The following MMS22L variants were observed in gnomAD, a reference collection of about 807,000 sequenced individuals.
MMS22L encodes the protein MMS22 like, DNA repair protein.
In MMS22L, 74 loss-of-function variants were observed where a neutral mutation model predicts 159.1. The observed-to-expected ratio is 0.47, with a 90% CI of 0.39 to 0.56. The LOEUF (loss-of-function observed/expected upper bound fraction) is 0.56, where lower values mean the gene tolerates loss of function less well. MMS22L is among the 20% of genes least tolerant of loss of function. The pLI, the probability that MMS22L is intolerant of heterozygous loss-of-function variation, is 0.00. For synonymous variants in MMS22L, 517 were observed against 506.9 expected, an observed-to-expected ratio of 1.02 and a Z score of -0.27; for missense variants, 1,351 against 1,422.1, an observed-to-expected ratio of 0.95 and a Z score of 0.80.
At chr6:97,262,492 AAAATT>A (rs1814588179) in intron 9 of MMS22L, among the ~76,000 whole-genome samples, 1 of 151,898 alleles carries the variant, frequency 6.6e-6, no homozygotes, top group Non-Finnish European at 1.5e-5. Context: ...CAAAAATACA[AAAATT>A]AGCTGGCCAC....
chr6:97,158,734 T>C (rs1039172921), intron 22 of MMS22L, among the ~76,000 whole-genome samples: 7 of 152,178 alleles, frequency 4.6e-5, no homozygotes, highest in Admixed American at 2.0e-4. Flanking sequence ...CTTCCAATTA[T>C]GTGGTCATTT....
chr6:97,190,481 C>T (rs887691187), intron 14 of MMS22L, among the ~76,000 whole-genome samples: 1 of 152,094 alleles, frequency 6.6e-6, no homozygotes, highest in Admixed American at 6.5e-5. Context: ...AACCAGCTCT[C>T]TTACATTATA....
chr6:97,282,341 G>C lies in MMS22L; in HGVS notation c.137C>G (p.Ser46Cys), dbSNP rs1209258896. 1 of 1,613,996 alleles carries C rather than the reference G, an allele frequency of 6.2e-7. No homozygotes were observed. The highest frequency in any genetic ancestry group is 8.5e-7 in the Non-Finnish European group (1 of 1,180,012). Residue 46 changes from serine to cysteine, a missense_variant, in exon 2 of 25, where the codon TCC (serine) becomes TGC (cysteine). Ser to Cys is a moderately radical substitution (Grantham distance 112). Coordinates refer to ENST00000683635, the MANE Select transcript of MMS22L (RefSeq NM_001350599.2). ...RGGGKHFSGE[S>C]YLCSGALKRL... Reference sequence around the variant, plus strand: ...CTTAAGGGCTCCGCTGCAGAGGTAGGATTCTCCAGAAAAATGTTTTCCTCC... The same window carrying C: ...CTTAAGGGCTCCGCTGCAGAGGTAGCATTCTCCAGAAAAATGTTTTCCTCC...
intron 18 of MMS22L, among the ~76,000 whole-genome samples, chr6:97,175,060 T>C (rs1803983050): frequency 6.6e-6 from 1 of 152,178 alleles, no homozygotes; most frequent in Admixed American, 6.5e-5. Flanking sequence ...AAATGGAGGA[T>C]CTTGAAGAGC....
At chr6:97,268,762 G>A (rs577696478) in intron 7 of MMS22L, among the ~76,000 whole-genome samples, 1 of 152,058 alleles carries the variant, frequency 6.6e-6, no homozygotes, top group African/African-American at 2.4e-5. Flanking sequence ...AAGTCCACTT[G>A]AGTATTACTC....
At chr6:97,257,325 T>A (rs1176731213) in intron 9 of MMS22L, among the ~76,000 whole-genome samples, 1 of 152,240 alleles carries the variant, frequency 6.6e-6, no homozygotes. Context: ...TAAGGTGCAT[T>A]TAGCTATCCC....
chr6:97,236,756 C>T (rs574136543), intron 11 of MMS22L, among the ~76,000 whole-genome samples: 1 of 152,024 alleles, frequency 6.6e-6, no homozygotes, highest in Non-Finnish European at 1.5e-5. Flanking sequence ...TCGAGACCAT[C>T]CTGGCTAACA....
intron 13 of MMS22L, 75 bp from the exon 14 acceptor site, chr6:97,229,478 T>G: frequency 9.6e-7 from 1 of 1,044,320 alleles, no homozygotes; most frequent in Non-Finnish European, 1.3e-6. Context: ...AGAAAATTTG[T>G]TTCAATACTC....
At chr6:97,272,525 T>C (rs1312173887) in intron 6 of MMS22L, 179 bp downstream of exon 6, 2 of 562,012 alleles carry the variant, frequency 3.6e-6, no homozygotes, top group Non-Finnish European at 3.1e-6. Flanking sequence ...ATGTGGAGGC[T>C]GAGGTGTCAT....
At chr6:97,256,318 C>CA (rs961162947) in intron 9 of MMS22L, among the ~76,000 whole-genome samples, 2 of 152,114 alleles carry the variant, frequency 1.3e-5, no homozygotes, top group African/African-American at 4.8e-5. Context: ...ATGTCCTACT[C>CA]ACTTTAGATG....
At chr6:97,246,909 G>T (rs1812707325) in intron 10 of MMS22L, among the ~76,000 whole-genome samples, 2 of 151,666 alleles carry the variant, frequency 1.3e-5, no homozygotes, top group Admixed American at 1.3e-4. Flanking sequence ...ATCAGGAGTT[G>T]TAACAGTGGT....
chr6:97,189,769 C>A lies in MMS22L; in HGVS notation c.2040-3079G>T, dbSNP rs145962744. 5.8e-3 allele frequency among the ~76,000 whole-genome samples: 886 copies of A among 151,976 alleles called. 11 individuals carry two copies. Among genetic ancestry groups the A allele is most frequent in the African/African-American group, 0.02 (816 of 41,472 alleles). ...TTTGGATTTGAAAAGCAGCTAATAT[C>A]CCCGGGAATATGCAAAATGTTTCCT... On this transcript the variant is annotated intron_variant, in intron 14 of 24. Coordinates refer to ENST00000683635, the MANE Select transcript of MMS22L (RefSeq NM_001350599.2).
At chr6:97,185,449 C>A (rs1209143184) in intron 15 of MMS22L, among the ~76,000 whole-genome samples, 1 of 152,190 alleles carries the variant, frequency 6.6e-6, no homozygotes, top group Non-Finnish European at 1.5e-5. Context: ...TCTAAGACAG[C>A]ACTGACTGAA....
At chr6:97,279,352 C>T (rs1816537398) in intron 3 of MMS22L, among the ~76,000 whole-genome samples, 3 of 151,938 alleles carry the variant, frequency 2.0e-5, no homozygotes, top group Admixed American at 6.6e-5. Flanking sequence ...GGCATGGTGG[C>T]GGACGCCTGT....
intron 22 of MMS22L, among the ~76,000 whole-genome samples, chr6:97,157,516 T>C (rs1801985874): frequency 1.3e-5 from 2 of 152,174 alleles, no homozygotes; most frequent in Admixed American, 6.5e-5. Context: ...TTATTGAGAG[T>C]TGTTAGCATG....
At chr6:97,279,800 A>G (rs2128102848) in intron 3 of MMS22L, among the ~76,000 whole-genome samples, 1 of 151,266 alleles carries the variant, frequency 6.6e-6, no homozygotes, top group East Asian at 1.9e-4. Context: ...AAAAAAAAAA[A>G]GAAGTTTAAG....
intron 14 of MMS22L, among the ~76,000 whole-genome samples, chr6:97,197,072 A>G (rs1422014201): frequency 6.6e-6 from 1 of 152,084 alleles, no homozygotes; most frequent in African/African-American, 2.4e-5. Context: ...AAAAAATAAA[A>G]ATTTTCACGC....
At chr6:97,156,104 AG>A (rs1801813746) in intron 22 of MMS22L, among the ~76,000 whole-genome samples, 1 of 152,004 alleles carries the variant, frequency 6.6e-6, no homozygotes, top group African/African-American at 2.4e-5. Flanking sequence ...TTTTTTCGTA[AG>A]TTTTTTGGCT....
intron 22 of MMS22L, among the ~76,000 whole-genome samples, chr6:97,157,514 A>C (rs1562396949): frequency 6.6e-6 from 1 of 152,142 alleles, no homozygotes; most frequent in Non-Finnish European, 1.5e-5. Flanking sequence ...GTTTATTGAG[A>C]GTTGTTAGCA....
Sources: gnomAD v4.1 joint callset for allele counts (sites outside exome capture counted in the v4.1 genomes callset) on GRCh38, gnomAD v4.1.1 for gene constraint, MANE v1.5 for transcripts, NCBI Gene and HGNC (gene_info 2026-07-23, HGNC 2026-07-21) for gene names.